TGIF1: variants seen among roughly 807,000 people sequenced by gnomAD.
TGIF1 encodes the protein TGFB induced factor homeobox 1, also known as homeobox protein TGIF1.
TGIF1 carries 4 observed loss-of-function variants against 19.3 expected under a neutral mutation model. The ratio of observed to expected loss-of-function variants is 0.21; its 90% CI spans 0.10 to 0.47. TGIF1 has a LOEUF of 0.47. Among genes scored for constraint, TGIF1 ranks in the 20% least tolerant of loss-of-function variants. The pLI, the probability that TGIF1 is intolerant of heterozygous loss-of-function variation, is 0.98. For missense variants in TGIF1, 275 were observed against 341.4 expected (o/e 0.81, Z 1.53); for synonymous variants, 122 against 129.3 (o/e 0.94, Z 0.38).
At position 3,457,646 on chromosome 18, in the gene TGIF1, T is replaced by C. The variant is rs1471865538; in HGVS notation, c.525T>C (p.His175=). The C allele has an allele frequency of 2.5e-6, 4 of 1,614,222 alleles. No individual in the cohort carries two copies. Among genetic ancestry groups the C allele is most frequent in the Non-Finnish European group, 3.4e-6 (4 of 1,180,040 alleles). Residue 175 remains histidine, a synonymous_variant, in exon 3 of 3, where the codon CAT becomes CAC. Transcript: ENST00000343820. This position sits in a 1 kb window ranked among gnomAD's most constrained non-coding sequence, Gnocchi z 4.9. ...TGGCTCGTCCATCAGTGATCTGCCA[T>C]ACCACTGTGACTGCATTGAAAGATG... ...SVLARPSVIC[H]TTVTALKDVP...
chr18:3,451,656 T>G lies in TGIF1; in HGVS notation c.16+1151T>G. The G allele has an allele frequency of 1.8e-6, 2 of 1,140,064 alleles. No individual in the cohort carries two copies. The highest frequency in any genetic ancestry group is 2.2e-6 in the Non-Finnish European group (2 of 929,736). The allele number at this position is 1,140,064 out of a possible 1,614,324, so 70.6% of individuals were successfully genotyped here. On this transcript the variant is annotated intron_variant, in intron 1 of 2. Coordinates refer to ENST00000343820, the MANE Select transcript of TGIF1 (RefSeq NM_003244.4). The surrounding 1 kb of genome is among the most constrained non-coding windows in gnomAD (Gnocchi z 5.4). ...GGGGGTAGCCTCAAGGCCAGCGGGG[T>G]TCCTTCGGCTGCGTTTCTGTGGGAG...
intron 2 of TGIF1, among the ~76,000 whole-genome samples, chr18:3,425,655 G>T (rs1351859694): frequency 6.6e-6 from 1 of 152,008 alleles, no homozygotes; most frequent in East Asian, 1.9e-4. Context: ...ACACCCCTAT[G>T]ATTGCATCCC....
At position 3,454,309 on chromosome 18, in the gene TGIF1, A is replaced by G. The variant is rs373703528; in HGVS notation, c.17-2045A>G. On this transcript the variant is annotated intron_variant, in intron 1 of 2. Coordinates refer to ENST00000343820, the MANE Select transcript of TGIF1 (RefSeq NM_003244.4). ...CCTTCAGGGGCTTTTTTTGTTTCAA[A>G]CTCTTTGTGATTACCAACTTACAGT... 2.1e-4 allele frequency among the ~76,000 whole-genome samples: 32 copies of G among 152,178 alleles called. No homozygotes were observed. In the East Asian group the frequency reaches 4.4e-3, roughly 21 times the overall value.
chr18:3,436,701 C>G (rs927220804), intron 2 of TGIF1, among the ~76,000 whole-genome samples: 1 of 151,740 alleles, frequency 6.6e-6, no homozygotes, highest in Admixed American at 6.6e-5. Flanking sequence ...CTCCTGTAGT[C>G]CCAGCTACCC....
intron 2 of TGIF1, among the ~76,000 whole-genome samples, chr18:3,422,462 A>G (rs1410732564): frequency 1.3e-5 from 2 of 151,640 alleles, no homozygotes; most frequent in Admixed American, 6.6e-5. Context: ...AAAATAAAAA[A>G]GTTATAGTAA....
At chr18:3,423,694 G>C (rs1391046236) in intron 2 of TGIF1, among the ~76,000 whole-genome samples, 1 of 150,084 alleles carries the variant, frequency 6.7e-6, no homozygotes, top group Non-Finnish European at 1.5e-5. Flanking sequence ...AAAAAAAAAA[G>C]AGTTTTAAAA....
chr18:3,432,884 C>T (rs1441203399), intron 2 of TGIF1, among the ~76,000 whole-genome samples: 5 of 151,960 alleles, frequency 3.3e-5, no homozygotes, highest in East Asian at 3.9e-4. Flanking sequence ...CTCAGCCTCC[C>T]GAGTAGCTGG....
At chr18:3,414,115 T>G (rs7233727) in intron 1 of TGIF1, among the ~76,000 whole-genome samples, 121,136 of 152,146 alleles carry the variant, frequency 0.8, 48,595 homozygotes, top group African/African-American at 0.88. Flanking sequence ...TTATACAAAA[T>G]GACAGTTTTG....
intron 2 of TGIF1, among the ~76,000 whole-genome samples, chr18:3,429,125 T>C (rs902940643): frequency 6.6e-6 from 1 of 152,210 alleles, no homozygotes. Context: ...GGTAGGATTA[T>C]AGCTCACTGC....
chr18:3,445,802 G>C (rs2082738035), upstream of TGIF1, among the ~76,000 whole-genome samples: 1 of 122,218 alleles, frequency 8.2e-6, no homozygotes, highest in South Asian at 2.9e-4. Flanking sequence ...AGACAGATTG[G>C]AAGAGAGCTT....
chr18:3,439,557 G>A (rs2082657358), intron 2 of TGIF1, among the ~76,000 whole-genome samples: 6 of 151,902 alleles, frequency 3.9e-5, no homozygotes, highest in Admixed American at 3.9e-4. Context: ...TGGTCAGGCT[G>A]GCCTTGAACT....
At chr18:3,425,177 G>A (rs756717534) in intron 2 of TGIF1, among the ~76,000 whole-genome samples, 4 of 152,244 alleles carry the variant, frequency 2.6e-5, no homozygotes, top group Non-Finnish European at 5.9e-5. Context: ...TCTAGAGGAT[G>A]AAACTGCCTT....
intron 2 of TGIF1, among the ~76,000 whole-genome samples, chr18:3,424,860 C>G (rs1156445136): frequency 1.3e-5 from 2 of 152,170 alleles, no homozygotes; most frequent in Non-Finnish European, 1.5e-5. Context: ...AGCTCTGCAC[C>G]CCTTCCCCAT....
chr18:3,445,520 C>T (rs919103098), upstream of TGIF1, among the ~76,000 whole-genome samples: 25 of 151,224 alleles, frequency 1.7e-4, no homozygotes, highest in African/African-American at 5.8e-4. Context: ...GTCAGGATAT[C>T]GAGACCATCC....
chr18:3,447,720 G>C (rs911926157), upstream of TGIF1: 1 of 1,614,178 alleles, frequency 6.2e-7, no homozygotes, highest in South Asian at 1.1e-5. Context: ...TGCCTCGCCA[G>C]CTTTAACAAC....
At chr18:3,431,698 G>A (rs968125464) in intron 2 of TGIF1, among the ~76,000 whole-genome samples, 3 of 152,078 alleles carry the variant, frequency 2.0e-5, no homozygotes, top group Admixed American at 6.6e-5. Context: ...TCAAAATAGG[G>A]AGAAATATTA....
Position 3,456,237 on chromosome 18 carries a change from T to G in TGIF1, c.17-117T>G. 9.9e-7 allele frequency: 1 copy of G among 1,005,634 alleles called. No homozygotes were observed. Among genetic ancestry groups the G allele is most frequent in the Non-Finnish European group, 1.6e-6 (1 of 630,970 alleles). 62.3% of individuals were successfully genotyped at this position (1,005,634 alleles called of 1,614,324 possible). ...TCAGGACAGAAAACACTGCTCCTTC[T>G]CCTCGCTCTCAGTTGTTGGGAAAGC... On this transcript the variant is annotated intron_variant, in intron 1 of 2. Transcript: ENST00000343820. This position sits in a 1 kb window ranked among gnomAD's most constrained non-coding sequence, Gnocchi z 4.2.
chr18:3,412,578 T>A (rs1432844570), intron 1 of TGIF1, among the ~76,000 whole-genome samples: 2 of 152,118 alleles, frequency 1.3e-5, no homozygotes, highest in Non-Finnish European at 2.9e-5. Context: ...TGGGAGGTGG[T>A]ATGAGTAATT....
chr18:3,451,607 C>T lies in TGIF1; in HGVS notation c.16+1102C>T. The T allele has an allele frequency of 2.2e-5, 23 of 1,065,098 alleles. No homozygotes were observed. The highest frequency in any genetic ancestry group is 2.6e-5 in the Non-Finnish European group (23 of 882,454). 66.0% of individuals were successfully genotyped at this position (1,065,098 alleles called of 1,614,324 possible). ...TTTGGAACTCCACATTCTTTCAGAC[C>T]CGGCCCGCTGCGGGGCGTTCCTGGG... On this transcript the variant is annotated intron_variant, in intron 1 of 2. Transcript: ENST00000343820. This position sits in a 1 kb window ranked among gnomAD's most constrained non-coding sequence, Gnocchi z 5.4.
Sources: allele counts gnomAD v4.1 joint callset (sites outside exome capture counted in the v4.1 genomes callset), GRCh38; gene constraint gnomAD v4.1.1; non-coding constraint Gnocchi (gnomAD v3.1); transcripts MANE v1.5; gene names NCBI Gene and HGNC (gene_info 2026-07-23, HGNC 2026-07-21).